GPC6: variants seen among roughly 807,000 people sequenced by gnomAD.
The protein encoded by GPC6 is glypican 6.
In GPC6, 14 loss-of-function variants were observed where a neutral mutation model predicts 55.2. That is an observed-to-expected ratio of 0.25 (90% CI 0.17 to 0.40). GPC6 has a LOEUF of 0.40. Among genes scored for constraint, GPC6 ranks in the 10% least tolerant of loss-of-function variants. The pLI is 1.00. For missense variants in GPC6, 641 were observed against 708.5 expected (o/e 0.90, Z 1.08); for synonymous variants, 278 against 259.6 (o/e 1.07, Z -0.68).
chr13:93,538,739 T>C (rs1566411384), intron 1 of GPC6, among the ~76,000 whole-genome samples: 1 of 152,152 alleles, frequency 6.6e-6, no homozygotes, highest in Admixed American at 6.5e-5. Context: ...ACTCTCTGGG[T>C]GATATTCACA....
At chr13:93,900,071 A>G (rs549988042) in intron 3 of GPC6, among the ~76,000 whole-genome samples, 30 of 152,154 alleles carry the variant, frequency 2.0e-4, no homozygotes, top group African/African-American at 6.8e-4. Flanking sequence ...TCCTTCAACT[A>G]TGAGTGTGAG....
rs114811951 is a variant in GPC6 at position 93,656,777 on chromosome 13, G to C, written c.319+111356G>C. Among the ~76,000 whole-genome samples, 239 of 152,068 alleles carry C rather than the reference G, an allele frequency of 1.6e-3. 2 individuals are homozygous for C. The highest frequency in any genetic ancestry group is 5.4e-3 in the African/African-American group (225 of 41,522). On this transcript the variant is annotated intron_variant, in intron 2 of 8. Coordinates refer to ENST00000377047, the MANE Select transcript of GPC6 (RefSeq NM_005708.5). ...AAGTTTCTGAATACAAAATCAATGT[G>C]CAAAAATCACTAGCATTTCTATACA...
At chr13:94,376,993 C>T (rs1408304857) in intron 6 of GPC6, among the ~76,000 whole-genome samples, 7 of 151,566 alleles carry the variant, frequency 4.6e-5, no homozygotes, top group Admixed American at 6.6e-5. Context: ...AACTGGCTAG[C>T]CATATGTAGA....
intron 1 of GPC6, among the ~76,000 whole-genome samples, chr13:93,328,471 C>T (rs1028833343): frequency 3.3e-5 from 5 of 151,894 alleles, no homozygotes; most frequent in African/African-American, 1.2e-4. Flanking sequence ...CCCAGGAGTT[C>T]GAGACCAGCC....
Position 94,260,073 on chromosome 13 carries a change from G to A in GPC6, c.878-26276G>A, listed in dbSNP as rs75336039. Among the ~76,000 whole-genome samples, 847 of 152,184 alleles carry A rather than the reference G, an allele frequency of 5.6e-3. 13 individuals carry two copies. Among genetic ancestry groups the A allele is most frequent in the African/African-American group, 0.019 (798 of 41,528 alleles). Reference sequence around the variant, plus strand: ...ATCTCACTGAAACTTAGGGACAAACGGGATGTTCTTAACCTGTTGCAGATG... The same window carrying A: ...ATCTCACTGAAACTTAGGGACAAACAGGATGTTCTTAACCTGTTGCAGATG... On this transcript the variant is annotated intron_variant, in intron 4 of 8. Coordinates refer to ENST00000377047, the MANE Select transcript of GPC6 (RefSeq NM_005708.5).
chr13:94,067,926 T>C (rs1171813679), intron 4 of GPC6, among the ~76,000 whole-genome samples: 1 of 152,222 alleles, frequency 6.6e-6, no homozygotes, highest in Admixed American at 6.5e-5. Context: ...TCACCTCAGA[T>C]TCACCATTGT....
intron 2 of GPC6, among the ~76,000 whole-genome samples, chr13:93,757,097 C>T (rs898233888): frequency 2.6e-5 from 4 of 152,126 alleles, no homozygotes; most frequent in Non-Finnish European, 5.9e-5. Context: ...ACAAGAAAAA[C>T]CAACCAAATA....
intron 1 of GPC6, among the ~76,000 whole-genome samples, chr13:93,507,869 G>A (rs1466111555): frequency 1.3e-5 from 2 of 151,336 alleles, no homozygotes; most frequent in African/African-American, 4.9e-5. Context: ...TGTGCTTACC[G>A]CTAAGCATAT....
intron 2 of GPC6, among the ~76,000 whole-genome samples, chr13:93,792,371 C>A (rs758924311): frequency 1.6e-4 from 25 of 152,182 alleles, no homozygotes; most frequent in South Asian, 4.1e-4. Context: ...AGTGCAGTGG[C>A]GTGATCTCAG....
chr13:94,337,265 T>G (rs1236697676), intron 6 of GPC6, among the ~76,000 whole-genome samples: 1 of 152,164 alleles, frequency 6.6e-6, no homozygotes, highest in African/African-American at 2.4e-5. Flanking sequence ...AGCCTTGATA[T>G]TCTCATCTGT....
At chr13:93,939,695 C>T (rs767975420) in intron 3 of GPC6, among the ~76,000 whole-genome samples, 110 of 152,124 alleles carry the variant, frequency 7.2e-4, no homozygotes, top group Admixed American at 1.1e-3. Context: ...AAGAATCCTA[C>T]GATTTCAGTC....
intron 1 of GPC6, among the ~76,000 whole-genome samples, chr13:93,313,978 G>A (rs1247092133): frequency 6.6e-6 from 1 of 152,110 alleles, no homozygotes; most frequent in Non-Finnish European, 1.5e-5. Context: ...GGATGACATT[G>A]TAGGTATGAA....
At chr13:93,778,935 G>GAACA (rs1165878760) in intron 2 of GPC6, among the ~76,000 whole-genome samples, 1 of 152,116 alleles carries the variant, frequency 6.6e-6, no homozygotes, top group Non-Finnish European at 1.5e-5. Flanking sequence ...AATCCAAGTA[G>GAACA]AACAAATCAT....
intron 2 of GPC6, among the ~76,000 whole-genome samples, chr13:93,806,475 T>C (rs1397295559): frequency 1.3e-5 from 2 of 152,140 alleles, no homozygotes; most frequent in African/African-American, 2.4e-5. Context: ...GTAGCTGGGA[T>C]TAAAGGTGTA....
intron 3 of GPC6, among the ~76,000 whole-genome samples, chr13:93,932,638 A>G (rs1179574228): frequency 1.3e-5 from 2 of 152,152 alleles, no homozygotes; most frequent in Non-Finnish European, 1.5e-5. Context: ...GGTAGGTGGG[A>G]AAAACCCAGA....
intron 4 of GPC6, among the ~76,000 whole-genome samples, chr13:94,076,990 T>G (rs1884940480): frequency 6.7e-6 from 1 of 148,792 alleles, no homozygotes; most frequent in African/African-American, 2.5e-5. Context: ...TGGCTTTATA[T>G]GAATTTTAGG....
intron 2 of GPC6, among the ~76,000 whole-genome samples, chr13:93,552,092 C>G (rs1875190697): frequency 6.6e-6 from 1 of 152,130 alleles, no homozygotes; most frequent in African/African-American, 2.4e-5. Flanking sequence ...AGCTGAATGC[C>G]TTCTGTACAT....
chr13:93,812,145 G>C (rs1203919823), intron 2 of GPC6, among the ~76,000 whole-genome samples: 13 of 142,028 alleles, frequency 9.2e-5, no homozygotes, highest in Non-Finnish European at 1.4e-4. Flanking sequence ...AAGGCGGTGG[G>C]GGGGGGGGCG....
intron 4 of GPC6, among the ~76,000 whole-genome samples, chr13:94,152,561 A>G (rs1269413732): frequency 6.6e-6 from 1 of 152,150 alleles, no homozygotes; most frequent in Non-Finnish European, 1.5e-5. Flanking sequence ...TAGGAAGAGC[A>G]TTACTGAGAT....
Sources: allele counts gnomAD v4.1 joint callset (sites outside exome capture counted in the v4.1 genomes callset), GRCh38; gene constraint gnomAD v4.1.1; transcripts MANE v1.5; gene names NCBI Gene and HGNC (gene_info 2026-07-23, HGNC 2026-07-21).